The following ANKRD17 variants were observed in gnomAD, a reference collection of about 807,000 sequenced individuals.
The protein encoded by ANKRD17 is ankyrin repeat domain 17.
A neutral mutation model predicts 229.7 loss-of-function variants in ANKRD17; 19 were observed. The observed-to-expected ratio is 0.08, with a 90% CI of 0.06 to 0.12. The LOEUF is 0.12. Among genes scored for constraint, ANKRD17 ranks in the 10% least tolerant of loss-of-function variants. ANKRD17 has a pLI of 1.00. For synonymous variants in ANKRD17, 1,112 were observed against 1,146.1 expected, an observed-to-expected ratio of 0.97 and a Z score of 0.60; for missense variants, 2,176 against 3,176.8, an observed-to-expected ratio of 0.68 and a Z score of 7.57.
intron 31 of ANKRD17, 98 bp downstream of exon 31, chr4:73,078,544 G>GAAA: frequency 9.0e-7 from 1 of 1,108,808 alleles, no homozygotes; most frequent in Non-Finnish European, 1.2e-6. Flanking sequence ...CTCAAAAAAA[G>GAAA]AAAAAAAAAA....
In ANKRD17 at chr4:73,179,516, ATAT is replaced by A. The variant is rs1321560360; in HGVS notation, c.394-1986_394-1984del. Among the ~76,000 whole-genome samples the A allele has an allele frequency of 3.1e-4, 18 of 57,146 alleles. No individual in the cohort carries two copies. The East Asian group carries it at 4.8e-3, about 15-fold the overall frequency. 37.5% of individuals were successfully genotyped at this position (57,146 alleles called of 152,430 possible). A position where few individuals can be genotyped will look rare whatever the true frequency, so the allele number is the denominator to read the frequency against. The stretch of plus-strand genomic sequence containing the variant: ...TATATATATATATATATATATATAT[ATAT>A]TTTTTTTTTTTTTTTTAAAGAGACA... On this transcript the variant is annotated intron_variant, in intron 1 of 33. Coordinates refer to ENST00000358602, the MANE Select transcript of ANKRD17 (RefSeq NM_032217.5).
intron 1 of ANKRD17, among the ~76,000 whole-genome samples, chr4:73,212,122 A>AGG (rs1212955994): frequency 1.3e-5 from 2 of 152,132 alleles, no homozygotes; most frequent in East Asian, 3.9e-4. Context: ...CACACTCCCA[A>AGG]GGTGTGGGTT....
chr4:73,086,919 A>AAAATATATATATAT (rs1553911000), intron 29 of ANKRD17, among the ~76,000 whole-genome samples: 2 of 12,464 alleles, frequency 1.6e-4, no homozygotes, highest in African/African-American at 5.2e-4. Flanking sequence ...AAAAAAAAAA[A>AAAATATATATATAT]ATATATATAT....
At chr4:73,099,934 G>A (rs1723758307) in intron 25 of ANKRD17, among the ~76,000 whole-genome samples, 1 of 152,046 alleles carries the variant, frequency 6.6e-6, no homozygotes, top group Non-Finnish European at 1.5e-5. Context: ...GAGATGGGCT[G>A]GGGCCGCTCC....
chr4:73,149,548 T>C (rs1578195875), intron 7 of ANKRD17, among the ~76,000 whole-genome samples: 1 of 152,114 alleles, frequency 6.6e-6, no homozygotes, highest in Admixed American at 6.5e-5. Flanking sequence ...ACTTTCTATA[T>C]TGTTCATCGT....
At chr4:73,134,103 A>T (rs1728593422) in intron 16 of ANKRD17, among the ~76,000 whole-genome samples, 1 of 152,186 alleles carries the variant, frequency 6.6e-6, no homozygotes, top group African/African-American at 2.4e-5. Context: ...ACATTTGGCC[A>T]ACAAGTAAGA....
Position 73,139,953 on chromosome 4 carries a change from T to C in ANKRD17, c.2663A>G (p.Tyr888Cys). The change falls in exon 15 of 34, where the codon TAT (tyrosine) becomes TGT (cysteine). Residue 888 changes from tyrosine (Y) to cysteine (C), a missense_variant. This residue lies in a region of ANKRD17 where 230 missense variants were observed against 252.3 expected (regional missense o/e 0.91). Coordinates refer to ENST00000358602, the MANE Select transcript of ANKRD17 (RefSeq NM_032217.5). ...AATTCTTTGAGCTTTAACCTCTAGA[T>C]ACTGCTTTTTTAGCTGCTGCTGAGT... Reference protein sequence around the residue: ...LKTQQQLKKQYLEVKAQRIQL... With the variant: ...LKTQQQLKKQCLEVKAQRIQL... The C allele has an allele frequency of 6.2e-7, 1 of 1,614,206 alleles. No homozygotes were observed. Among genetic ancestry groups the C allele is most frequent in the Non-Finnish European group, 8.5e-7 (1 of 1,180,048 alleles).
rs2110178803 is a variant in ANKRD17 at position 73,094,146 on chromosome 4, A to G, written c.5260T>C (p.Phe1754Leu). Reference sequence around the variant, plus strand: ...TCAATATCTATGTGTGCACCAGTAAACTCCCGAATAGCATTGATATTACAG... The same window carrying G: ...TCAATATCTATGTGTGCACCAGTAAGCTCCCGAATAGCATTGATATTACAG... Reference protein sequence around the residue: ...GGCNINAIREFTGAHIDIDKQ... With the variant: ...GGCNINAIRELTGAHIDIDKQ... Residue 1754 changes from phenylalanine (F) to leucine (L), a missense_variant, in exon 28 of 34, where the codon TTT becomes CTT. Transcript: ENST00000358602. The G allele has an allele frequency of 6.2e-7, 1 of 1,613,616 alleles. No individual in the cohort carries two copies. Among genetic ancestry groups the G allele is most frequent in the East Asian group, 2.2e-5 (1 of 44,788 alleles).
chr4:73,258,630 A>G lies in ANKRD17; in HGVS notation c.39T>C (p.Ala13=), dbSNP rs1446935581. 5 of 1,484,302 alleles carry G rather than the reference A, an allele frequency of 3.4e-6. No individual in the cohort carries two copies. The highest frequency in any genetic ancestry group is 4.4e-6 in the Non-Finnish European group (5 of 1,126,794). 91.9% of individuals were successfully genotyped at this position (1,484,302 alleles called of 1,614,324 possible). A position where few individuals can be genotyped will look rare whatever the true frequency, so the allele number is the denominator to read the frequency against. Residue 13 remains alanine (A), a synonymous_variant, in exon 1 of 34, where the codon GCT becomes GCC. Coordinates refer to ENST00000358602, the MANE Select transcript of ANKRD17 (RefSeq NM_032217.5). The part of the protein sequence containing the change: ...KATVPVAAAT[A]AEGEGSPPAV... The stretch of plus-strand genomic sequence containing the variant: ...CCGGGGGGCTCCCTTCTCCTTCTGC[A>G]GCCGTCGCCGCCGCCACCGGAACCG...
intron 27 of ANKRD17, 59 bp from the exon 28 acceptor site, chr4:73,094,287 T>G: frequency 6.9e-7 from 1 of 1,458,106 alleles, no homozygotes; most frequent in East Asian, 2.4e-5. Flanking sequence ...TATTGTAATT[T>G]TTAAAAGAGG....
At chr4:73,191,207 T>C (rs1263545896) in intron 1 of ANKRD17, among the ~76,000 whole-genome samples, 4 of 151,932 alleles carry the variant, frequency 2.6e-5, no homozygotes, top group Admixed American at 1.3e-4. Flanking sequence ...ATCCAGAACA[T>C]ATATATATGG....
At chr4:73,155,506 G>A in intron 5 of ANKRD17, 125 bp downstream of exon 5, 1 of 992,960 alleles carries the variant, frequency 1.0e-6, no homozygotes, top group Non-Finnish European at 1.5e-6. Context: ...ACACAGATGT[G>A]TGAGAATATG....
chr4:73,101,116 T>G, intron 25 of ANKRD17: 1 of 839,516 alleles, frequency 1.2e-6, no homozygotes, highest in Middle Eastern at 6.2e-4. Context: ...TACACCATGT[T>G]ATATAAAGAC....
Position 73,120,719 on chromosome 4 carries a change from A to C in ANKRD17, c.3849+162T>G, listed in dbSNP as rs372961789. Among the ~76,000 whole-genome samples the C allele has an allele frequency of 2.1e-3, 322 of 152,102 alleles. 4 individuals carry two copies. The South Asian group carries it at 0.024, about 11-fold the overall frequency. On this transcript the variant is annotated intron_variant, in intron 20 of 33. Coordinates refer to ENST00000358602, the MANE Select transcript of ANKRD17 (RefSeq NM_032217.5). ...AATTTATCACTCAGGTATTTTCAAG[A>C]GTTAATGTTTGACTGAGTTATACAG...
chr4:73,227,474 G>A (rs191623705), intron 1 of ANKRD17, among the ~76,000 whole-genome samples: 40 of 152,218 alleles, frequency 2.6e-4, no homozygotes, highest in African/African-American at 8.9e-4. Context: ...TTATAGGCAA[G>A]AAAATTGTCT....
At chr4:73,196,505 T>C (rs1365394637) in intron 1 of ANKRD17, among the ~76,000 whole-genome samples, 2 of 152,236 alleles carry the variant, frequency 1.3e-5, no homozygotes, top group Non-Finnish European at 2.9e-5. Flanking sequence ...GTACCATATA[T>C]ACACGTATGT....
intron 19 of ANKRD17, 52 bp downstream of exon 19, chr4:73,121,565 T>C: frequency 6.2e-7 from 1 of 1,603,748 alleles, no homozygotes; most frequent in East Asian, 2.2e-5. Flanking sequence ...TCTACAAATA[T>C]CTATAACAGT....
At chr4:73,242,296 C>A (rs995442203) in intron 1 of ANKRD17, among the ~76,000 whole-genome samples, 7 of 151,876 alleles carry the variant, frequency 4.6e-5, no homozygotes, top group Non-Finnish European at 1.0e-4. Flanking sequence ...TTAAAATATG[C>A]CAATCAATAG....
chr4:73,131,127 G>C (rs1262555488), intron 16 of ANKRD17, among the ~76,000 whole-genome samples: 1 of 152,154 alleles, frequency 6.6e-6, no homozygotes, highest in Non-Finnish European at 1.5e-5. Context: ...TTTGATAGCA[G>C]CAAAGTATGT....
Sources: gnomAD v4.1 joint callset for allele counts (sites outside exome capture counted in the v4.1 genomes callset) on GRCh38, gnomAD v4.1.1 for gene constraint, gnomAD v4.1.1 regional missense constraint, MANE v1.5 for transcripts, NCBI Gene and HGNC (gene_info 2026-07-23, HGNC 2026-07-21) for gene names.